Variants in FSIP2 observed in about 807,000 individuals in gnomAD.
FSIP2 encodes the protein fibrous sheath interacting protein 2.
FSIP2 carries 367 observed loss-of-function variants against 510.5 expected under a neutral mutation model. The observed-to-expected ratio is 0.72, with a 90% CI of 0.66 to 0.78. The LOEUF is 0.78. Among genes scored for constraint, FSIP2 ranks in the 30% least tolerant of loss-of-function variants. The probability of loss-of-function intolerance (pLI) is 0.00; values close to 1 mark genes in which losing one functional copy is unlikely to be tolerated. For missense variants in FSIP2, 7,594 were observed against 7,901.7 expected, an observed-to-expected ratio of 0.96 and a Z score of 1.48; for synonymous variants, 2,601 against 2,732.2, an observed-to-expected ratio of 0.95 and a Z score of 1.50.
chr2:185,789,307 C>CCT lies in FSIP2; in HGVS notation c.2180_2181dup (p.Ser728LeufsTer40). 6.5e-7 allele frequency: 1 copy of CCT among 1,534,566 alleles called. No homozygotes were observed. The highest frequency in any genetic ancestry group is 8.7e-7 in the Non-Finnish European group (1 of 1,145,844). ...ATGTCTGATTTAACCCAGGCCATTCCCTCTCTCTCTTCTGTTACTGCTGAA... is the reference window on the plus strand; with the variant it reads ...ATGTCTGATTTAACCCAGGCCATTCCCTCTCTCTCTCTTCTGTTACTGCTGAA... On this transcript the variant is annotated frameshift_variant, in exon 16 of 23. Transcript: ENST00000424728. LOFTEE classifies it high-confidence loss of function.
At position 185,788,748 on chromosome 2, in the gene FSIP2, T is replaced by C. The variant is rs1166406606; in HGVS notation, c.1612T>C (p.Leu538=). The change falls in exon 16 of 23, where the codon TTG becomes CTG. Residue 538 remains leucine, a synonymous_variant. Coordinates refer to ENST00000424728, the MANE Select transcript of FSIP2 (RefSeq NM_173651.4). ...YPAITKYEKR[L]QNNTYPVSDD... ...AGCCATCACAAAGTATGAAAAAAGA[T>C]TGCAAAATAATACATACCCAGTATC... The C allele has an allele frequency of 6.5e-7, 1 of 1,534,328 alleles. No homozygotes were observed. Among genetic ancestry groups the C allele is most frequent in the Non-Finnish European group, 8.7e-7 (1 of 1,145,640 alleles).
intron 17 of FSIP2, among the ~76,000 whole-genome samples, chr2:185,812,640 A>G (rs1306458070): frequency 6.6e-6 from 1 of 152,100 alleles, no homozygotes; most frequent in Non-Finnish European, 1.5e-5. Flanking sequence ...CACACTAGAC[A>G]TATGCATACT....
chr2:185,758,055 C>A (rs1342855827), intron 9 of FSIP2, among the ~76,000 whole-genome samples: 1 of 151,090 alleles, frequency 6.6e-6, no homozygotes, highest in African/African-American at 2.4e-5. Context: ...AGTTCATTTT[C>A]TGTTGGAGAG....
Position 185,796,529 on chromosome 2 carries a change from T to C in FSIP2, c.9393T>C (p.Tyr3131=), listed in dbSNP as rs1056797691. The C allele has an allele frequency of 9.8e-6, 15 of 1,535,014 alleles. No homozygotes were observed. Among genetic ancestry groups the C allele is most frequent in the African/African-American group, 2.7e-5 (2 of 72,930 alleles). Reference sequence around the variant, plus strand: ...GCACACTAATGGACCAGTGTACTTATTTCAATGAGTCTTTGATACAAAACC... The same window carrying C: ...GCACACTAATGGACCAGTGTACTTACTTCAATGAGTCTTTGATACAAAACC... The part of the protein sequence containing the change: ...IIGTLMDQCT[Y]FNESLIQNLS... Residue 3131 remains tyrosine (Y), a synonymous_variant, in exon 16 of 23, where the codon TAT becomes TAC. Coordinates refer to ENST00000424728, the MANE Select transcript of FSIP2 (RefSeq NM_173651.4).
chr2:185,798,624 G>A (rs991557930), intron 16 of FSIP2, among the ~76,000 whole-genome samples: 2 of 151,756 alleles, frequency 1.3e-5, no homozygotes, highest in African/African-American at 4.8e-5. Context: ...ACCTGCACGA[G>A]GAGGTTATTT....
rs763730031 is a variant in FSIP2 at position 185,806,684 on chromosome 2, A to G, written c.17378A>G (p.Glu5793Gly). 15 of 1,602,380 alleles carry G rather than the reference A, an allele frequency of 9.4e-6. 1 individual carries two copies. Among genetic ancestry groups the G allele is most frequent in the Middle Eastern group, 1.7e-4 (1 of 5,960 alleles). Reference sequence around the variant, plus strand: ...AAGTTTTTAGAAGATGTTATTACTGAGATGGTTAAACAATTGATCTTTTCT... The same window carrying G: ...AAGTTTTTAGAAGATGTTATTACTGGGATGGTTAAACAATTGATCTTTTCT... ...PAKFLEDVIT[E>G]MVKQLIFSSI... The change falls in exon 17 of 23, where the codon GAG becomes GGG. Residue 5793 changes from glutamate to glycine, a missense_variant. Physicochemically the swap from Glu to Gly is moderately conservative, Grantham distance 98. Transcript: ENST00000424728.
rs769524929 is a variant in FSIP2, at chr2:185,809,120, TAA to T, written c.19817_19818del (p.Lys6606ThrfsTer7). 6.4e-7 allele frequency: 1 copy of T among 1,568,570 alleles called. No homozygotes were observed. The highest frequency in any genetic ancestry group is 8.6e-7 in the Non-Finnish European group (1 of 1,164,272). On this transcript the variant is annotated frameshift_variant, in exon 17 of 23. Coordinates refer to ENST00000424728, the MANE Select transcript of FSIP2 (RefSeq NM_173651.4). LOFTEE classifies it high-confidence loss of function. ...TTGGATAAGACTGGAAGACTGGATG[TAA>T]AACCCCTAGAGGTAAGTGCAAAAGC... is the stretch of plus-strand genomic sequence containing the variant.
rs763368954 is a variant in FSIP2, at chr2:185,790,630, C to T, written c.3494C>T (p.Thr1165Ile). 5 of 1,533,894 alleles carry T rather than the reference C, an allele frequency of 3.3e-6. No individual in the cohort carries two copies. The highest frequency in any genetic ancestry group is 2.4e-5 in the South Asian group (2 of 84,018). Residue 1165 changes from threonine to isoleucine, a missense_variant, in exon 16 of 23, where the codon ACA becomes ATA. Physicochemically the swap from Thr to Ile is moderately conservative, Grantham distance 89 (BLOSUM62 -1). Coordinates refer to ENST00000424728, the MANE Select transcript of FSIP2 (RefSeq NM_173651.4). ...ATGTTTTCTGTTTCAGAAATCAGTA[C>T]AGTGGCTCAAGAAATAACAGATTCT... Reference protein sequence around the residue: ...DQMFSVSEISTVAQEITDSVL... With the variant: ...DQMFSVSEISIVAQEITDSVL...
At position 185,806,531 on chromosome 2, in the gene FSIP2, T is replaced by A. The variant is rs376798646; in HGVS notation, c.17225T>A (p.Ile5742Asn). Residue 5742 changes from isoleucine to asparagine, a missense_variant, in exon 17 of 23, where the codon ATC becomes AAC. Ile to Asn is a moderately radical substitution (Grantham distance 149). Transcript: ENST00000424728. The part of the protein sequence containing the change: ...KKVSSSTNKN[I>N]SAKEKEEEER... ...GTATCCTCCTCAACTAACAAAAATA[T>A]CTCTGCCAAAGAAAAAGAAGAGGAA... 1 of 1,597,762 alleles carries A rather than the reference T, an allele frequency of 6.3e-7. No homozygotes were observed. The highest frequency in any genetic ancestry group is 8.5e-7 in the Non-Finnish European group (1 of 1,175,402).
intron 13 of FSIP2, among the ~76,000 whole-genome samples, chr2:185,776,580 T>C (rs944456807): frequency 1.3e-5 from 2 of 152,220 alleles, no homozygotes; most frequent in African/African-American, 4.8e-5. Flanking sequence ...ATTTTTAATT[T>C]ATTTGAATTA....
chr2:185,739,255 G>A lies in FSIP2; in HGVS notation c.100-91G>A, dbSNP rs975466180. On this transcript the variant is annotated intron_variant, in intron 1 of 22. Coordinates refer to ENST00000424728, the MANE Select transcript of FSIP2 (RefSeq NM_173651.4). ...CCGAACCCTGATTGTATAATTCTTC[G>A]GAGTCTTTGGTTGCAATGGAAGTAG... is the stretch of plus-strand genomic sequence containing the variant. 52 of 1,326,268 alleles carry A rather than the reference G, an allele frequency of 3.9e-5. No individual in the cohort carries two copies. The African/African-American group carries it at 7.4e-4, about 19-fold the overall frequency. 82.2% of individuals were successfully genotyped at this position (1,326,268 alleles called of 1,614,324 possible). A position where few individuals can be genotyped will look rare whatever the true frequency, so the allele number is the denominator to read the frequency against.
Position 185,833,274 on chromosome 2 carries a change from A to G in FSIP2, c.*48A>G. 1 of 1,511,466 alleles carries G rather than the reference A, an allele frequency of 6.6e-7. No individual in the cohort carries two copies. Among genetic ancestry groups the G allele is most frequent in the African/African-American group, 1.4e-5 (1 of 71,164 alleles). 93.6% of individuals were successfully genotyped at this position (1,511,466 alleles called of 1,614,324 possible). ...ATGCTTACTTCTTTTAGAAAATAAA[A>G]TGGTTTTTAAAGCATAGTATAGCGT... On this transcript the variant is annotated 3_prime_UTR_variant, in exon 23 of 23. Transcript: ENST00000424728.
At position 185,791,838 on chromosome 2, in the gene FSIP2, C is replaced by G. The variant is rs1340343731; in HGVS notation, c.4702C>G (p.Pro1568Ala). 9 of 1,533,634 alleles carry G rather than the reference C, an allele frequency of 5.9e-6. 1 individual carries two copies. The South Asian group carries it at 9.5e-5, about 16-fold the overall frequency. Residue 1568 changes from proline to alanine, a missense_variant, in exon 16 of 23, where the codon CCA (proline) becomes GCA (alanine). Coordinates refer to ENST00000424728, the MANE Select transcript of FSIP2 (RefSeq NM_173651.4). ...KPVAPVSSKT[P>A]STKEMHPNKL... is the part of the protein sequence containing the mutation. ...TGTTGCTCCTGTGTCTTCCAAAACA[C>G]CAAGCACAAAAGAAATGCATCCAAA...
chr2:185,743,451 CAA>C (rs1393496180), intron 3 of FSIP2, among the ~76,000 whole-genome samples, 157 bp downstream of exon 3: 1 of 152,218 alleles, frequency 6.6e-6, no homozygotes, highest in East Asian at 1.9e-4. Flanking sequence ...GTATTTGAAT[CAA>C]GAGAAATCAG....
chr2:185,754,946 T>A (rs1187877983), intron 8 of FSIP2, among the ~76,000 whole-genome samples: 1 of 151,552 alleles, frequency 6.6e-6, no homozygotes, highest in Non-Finnish European at 1.5e-5. Context: ...AGAACTTAAT[T>A]TATTTTGTTG....
intron 6 of FSIP2, 138 bp downstream of exon 6, chr2:185,746,948 A>G: frequency 1.5e-6 from 1 of 656,416 alleles, no homozygotes; most frequent in Admixed American, 3.1e-5. Flanking sequence ...TTTTCTTCAT[A>G]GCTATAATAT....
intron 19 of FSIP2, among the ~76,000 whole-genome samples, chr2:185,822,000 A>G (rs1342104055): frequency 2.0e-5 from 3 of 151,910 alleles, no homozygotes; most frequent in Non-Finnish European, 2.9e-5. Context: ...CAGGAAAACC[A>G]TTTGACGAAA....
intron 14 of FSIP2, among the ~76,000 whole-genome samples, chr2:185,784,993 T>C (rs1692934045): frequency 6.6e-6 from 1 of 152,122 alleles, no homozygotes; most frequent in Admixed American, 6.5e-5. Flanking sequence ...TAATTTTACC[T>C]GTAGGCCTTT....
At chr2:185,763,662 A>G (rs1387236019) in intron 12 of FSIP2, among the ~76,000 whole-genome samples, 2 of 151,620 alleles carry the variant, frequency 1.3e-5, no homozygotes. Flanking sequence ...GTGGGTTGCC[A>G]ACTTGTTACA....
Sources: allele counts gnomAD v4.1 joint callset (sites outside exome capture counted in the v4.1 genomes callset), GRCh38; gene constraint gnomAD v4.1.1; transcripts MANE v1.5; gene names NCBI Gene and HGNC (gene_info 2026-07-23, HGNC 2026-07-21).